Variants in AMBRA1 observed in about 807,000 individuals in gnomAD.
The protein encoded by AMBRA1 is autophagy and beclin 1 regulator 1.
A neutral mutation model predicts 125.4 loss-of-function variants in AMBRA1; 47 were observed. The observed-to-expected ratio is 0.37, with a 90% CI of 0.30 to 0.48. AMBRA1 has a LOEUF of 0.48. AMBRA1 is among the 20% of genes least tolerant of loss of function. The probability of loss-of-function intolerance (pLI) is 0.99; values close to 1 mark genes in which losing one functional copy is unlikely to be tolerated. For synonymous variants in AMBRA1, 626 were observed against 655.5 expected (o/e 0.95, Z 0.69); for missense variants, 1,331 against 1,693.4 (o/e 0.79, Z 3.76).
intron 1 of AMBRA1, among the ~76,000 whole-genome samples, chr11:46,572,659 T>A (rs570186137): frequency 6.6e-6 from 1 of 152,328 alleles, no homozygotes; most frequent in Middle Eastern, 3.4e-3. Context: ...ATTATCATCA[T>A]CATCTTGACA....
At chr11:46,498,203 C>G (rs1020404320) in intron 9 of AMBRA1, among the ~76,000 whole-genome samples, 7 of 152,142 alleles carry the variant, frequency 4.6e-5, no homozygotes, top group African/African-American at 1.7e-4. Context: ...TGCTAAATAC[C>G]GGGCTCTAAC....
At chr11:46,488,781 A>G (rs917275146) in intron 11 of AMBRA1, among the ~76,000 whole-genome samples, 2 of 152,262 alleles carry the variant, frequency 1.3e-5, no homozygotes, top group South Asian at 4.1e-4. Flanking sequence ...ATCAAATTAA[A>G]TAAGAGAACA....
chr11:46,538,332 A>G (rs1952578258), intron 7 of AMBRA1, among the ~76,000 whole-genome samples: 1 of 152,270 alleles, frequency 6.6e-6, no homozygotes, highest in Admixed American at 6.5e-5. Context: ...ATTTTAAAAG[A>G]AAATGAGCAT....
chr11:46,490,182 G>T (rs1366479014), intron 11 of AMBRA1, among the ~76,000 whole-genome samples: 3 of 152,136 alleles, frequency 2.0e-5, no homozygotes, highest in Non-Finnish European at 2.9e-5. Context: ...TCAGACTTTT[G>T]TATGTTCTCC....
chr11:46,472,015 G>A (rs1309616882), intron 11 of AMBRA1, among the ~76,000 whole-genome samples: 2 of 152,226 alleles, frequency 1.3e-5, no homozygotes, highest in East Asian at 1.9e-4. Flanking sequence ...AAGATCTTTG[G>A]TTAACGTTAT....
chr11:46,412,352 C>T lies in AMBRA1; in HGVS notation c.3117-1984G>A, dbSNP rs183267595. ...AGTCTGAAGTGCAGTGGTGTGATCA[C>T]GGCTCACTACAGCCCTGACTTCCCT... On this transcript the variant is annotated intron_variant, in intron 15 of 17. Transcript: ENST00000683756. 7.9e-5 allele frequency among the ~76,000 whole-genome samples: 12 copies of T among 152,292 alleles called. No individual in the cohort carries two copies. In the East Asian group the frequency reaches 1.2e-3, roughly 15 times the overall value.
In AMBRA1 at chr11:46,543,414, G is replaced by C; in HGVS notation, c.619-16C>G. Reference sequence around the variant, plus strand: ...CGTCATCACCCTGCAACGTGGACCAGCATGGGGCAGGGGGTAGAGCAAGGC... The same window carrying C: ...CGTCATCACCCTGCAACGTGGACCACCATGGGGCAGGGGGTAGAGCAAGGC... On this transcript the variant is annotated splice_polypyrimidine_tract_variant and intron_variant, in intron 6 of 17. Coordinates refer to ENST00000683756, the MANE Select transcript of AMBRA1 (RefSeq NM_001387011.1). The C allele has an allele frequency of 1.9e-6, 3 of 1,612,948 alleles. No homozygotes were observed. The highest frequency in any genetic ancestry group is 2.5e-6 in the Non-Finnish European group (3 of 1,179,614).
intron 11 of AMBRA1, among the ~76,000 whole-genome samples, chr11:46,446,887 C>T (rs953659289): frequency 2.6e-5 from 4 of 152,216 alleles, no homozygotes; most frequent in Non-Finnish European, 5.9e-5. Flanking sequence ...AGCATTACAA[C>T]TTCAATTTTC....
intron 17 of AMBRA1, among the ~76,000 whole-genome samples, chr11:46,401,234 G>C (rs1945741145): frequency 7.0e-6 from 1 of 143,606 alleles, no homozygotes; most frequent in African/African-American, 2.5e-5. Flanking sequence ...CAGGCGCTGT[G>C]CCTAGTGAAT....
chr11:46,485,038 A>T (rs1950218064), intron 11 of AMBRA1, among the ~76,000 whole-genome samples: 1 of 149,826 alleles, frequency 6.7e-6, no homozygotes, highest in African/African-American at 2.5e-5. Context: ...CCCGGGTTCA[A>T]GCGATTCTCC....
intron 7 of AMBRA1, among the ~76,000 whole-genome samples, chr11:46,538,657 G>T (rs562183918): frequency 2.6e-5 from 4 of 152,152 alleles, no homozygotes; most frequent in African/African-American, 9.6e-5. Context: ...ACCATGCCTG[G>T]CTAATTTTTT....
chr11:46,484,905 A>G (rs1181253415), intron 11 of AMBRA1, among the ~76,000 whole-genome samples: 1 of 149,812 alleles, frequency 6.7e-6, no homozygotes, highest in African/African-American at 2.5e-5. Context: ...TCGGCCTCTG[A>G]AAGTGCTGGG....
chr11:46,586,323 C>G (rs751031033), intron 1 of AMBRA1, among the ~76,000 whole-genome samples: 1 of 152,128 alleles, frequency 6.6e-6, no homozygotes, highest in South Asian at 2.1e-4. Context: ...GCACAAGAAT[C>G]GCTTGAACCC....
intron 1 of AMBRA1, among the ~76,000 whole-genome samples, chr11:46,553,118 T>C (rs981286383): frequency 3.4e-4 from 51 of 152,076 alleles, no homozygotes; most frequent in Non-Finnish European, 4.1e-4. Context: ...AATTTTTGTA[T>C]TTTTAGTAGA....
chr11:46,542,995 A>C lies in AMBRA1; in HGVS notation c.1022T>G (p.Phe341Cys), dbSNP rs1195110571. The C allele has an allele frequency of 6.2e-7, 1 of 1,601,274 alleles. No individual in the cohort carries two copies. Among genetic ancestry groups the C allele is most frequent in the Non-Finnish European group, 8.5e-7 (1 of 1,179,906 alleles). ...GAAGGGCTCGGTCTGTACAAAAGAA[A>C]AGGAAGGGGTAGTAGCTCTGGCAGA... ...PASARATTPS[F>C]SFVQTEPFHP... Residue 341 changes from phenylalanine (F) to cysteine (C), a missense_variant, in exon 7 of 18, where the codon TTT (phenylalanine) becomes TGT (cysteine). Phe to Cys is a radical substitution (Grantham distance 205). Around this residue, in one of 4 missense-constraint regions of AMBRA1, gnomAD observed 689 missense variants for 776.5 expected, o/e 0.89. Coordinates refer to ENST00000683756, the MANE Select transcript of AMBRA1 (RefSeq NM_001387011.1). This position sits in a 1 kb window ranked among gnomAD's most constrained non-coding sequence, Gnocchi z 5.9.
rs141788039 is a variant in AMBRA1, at chr11:46,499,845, G to T, written c.2340-5641C>A. Among the ~76,000 whole-genome samples, 1,108 of 152,058 alleles carry T rather than the reference G, an allele frequency of 7.3e-3. 22 individuals are homozygous for T. The highest frequency in any genetic ancestry group is 0.026 in the African/African-American group (1,075 of 41,468). ...TAATTTTTATATTTTTAGACAGATG[G>T]GGTTTCACCATCTTGGCCAGGCTAG... On this transcript the variant is annotated intron_variant, in intron 9 of 17. Coordinates refer to ENST00000683756, the MANE Select transcript of AMBRA1 (RefSeq NM_001387011.1).
chr11:46,572,467 A>C (rs1411043059), intron 1 of AMBRA1, among the ~76,000 whole-genome samples: 1 of 152,198 alleles, frequency 6.6e-6, no homozygotes, highest in African/African-American at 2.4e-5. Flanking sequence ...TCATTTAATC[A>C]ATCATAGATA....
At chr11:46,493,045 T>C (rs921454984) in intron 11 of AMBRA1, among the ~76,000 whole-genome samples, 2 of 152,152 alleles carry the variant, frequency 1.3e-5, no homozygotes, top group Non-Finnish European at 2.9e-5. Flanking sequence ...CGAGACTCTG[T>C]CTCAAAAATA....
intron 11 of AMBRA1, among the ~76,000 whole-genome samples, chr11:46,492,320 A>G (rs1395801914): frequency 6.6e-6 from 1 of 152,220 alleles, no homozygotes; most frequent in Non-Finnish European, 1.5e-5. Flanking sequence ...GCCAGATCCC[A>G]TGGCCTTGAT....
Sources: gnomAD v4.1 joint callset for allele counts (sites outside exome capture counted in the v4.1 genomes callset) on GRCh38, gnomAD v4.1.1 for gene constraint, gnomAD v4.1.1 regional missense constraint, Gnocchi (gnomAD v3.1) non-coding constraint, MANE v1.5 for transcripts, NCBI Gene and HGNC (gene_info 2026-07-23, HGNC 2026-07-21) for gene names.